Variants in TLE3 observed in about 807,000 individuals in gnomAD.
TLE3 encodes the protein transducin-like enhancer protein 3.
Under a neutral mutation model 93.0 loss-of-function variants are expected in TLE3, and 14 were observed. The ratio of observed to expected loss-of-function variants is 0.15; its 90% CI spans 0.10 to 0.24. TLE3 has a LOEUF of 0.24. Among genes scored for constraint, TLE3 ranks in the 10% least tolerant of loss-of-function variants. The probability of loss-of-function intolerance (pLI) is 1.00; values close to 1 mark genes in which losing one functional copy is unlikely to be tolerated. For synonymous variants in TLE3, 451 were observed against 425.0 expected, an observed-to-expected ratio of 1.06 and a Z score of -0.75; for missense variants, 693 against 1,046.6, an observed-to-expected ratio of 0.66 and a Z score of 4.66.
chr15:70,056,008 C>T, intron 14 of TLE3: 1 of 507,570 alleles, frequency 2.0e-6, no homozygotes, highest in Admixed American at 3.3e-5. Context: ...CTCCAGGTGA[C>T]TCGGTGAGGA....
chr15:70,094,801 G>A, intron 3 of TLE3: 3 of 525,740 alleles, frequency 5.7e-6, no homozygotes, highest in Non-Finnish European at 1.0e-5. Flanking sequence ...GTAGTAAGGG[G>A]AGCTGGGCCT....
Position 70,050,051 on chromosome 15 carries a change from C to T in TLE3, c.*46G>A, listed in dbSNP as rs957874257. ...CGCCTGGGGGTCTCCCTGTCAGAGC[C>T]GAGTCGGTTTCTCCCAGAGTTTGAC... On this transcript the variant is annotated 3_prime_UTR_variant, in exon 20 of 20. Transcript: ENST00000451782. 8 of 1,550,082 alleles carry T rather than the reference C, an allele frequency of 5.2e-6. No individual in the cohort carries two copies. Among genetic ancestry groups the T allele is most frequent in the South Asian group, 1.1e-5 (1 of 89,668 alleles).
At chr15:70,080,898 T>C (rs1197831639) in intron 4 of TLE3, among the ~76,000 whole-genome samples, 2 of 152,186 alleles carry the variant, frequency 1.3e-5, no homozygotes, top group Non-Finnish European at 2.9e-5. Flanking sequence ...CTTGCCCTTA[T>C]TTTTAATTTA....
At chr15:70,063,806 G>C (rs955051112) in intron 8 of TLE3, among the ~76,000 whole-genome samples, 3 of 152,230 alleles carry the variant, frequency 2.0e-5, no homozygotes, top group African/African-American at 7.2e-5. Context: ...TGGCAGACAC[G>C]CAGGCGGCCT....
At chr15:70,081,281 G>A (rs1595976357) in intron 4 of TLE3, among the ~76,000 whole-genome samples, 1 of 152,172 alleles carries the variant, frequency 6.6e-6, no homozygotes, top group African/African-American at 2.4e-5. Flanking sequence ...CCGAATTGGC[G>A]TGCAGCTTAT....
chr15:70,062,105 A>G (rs2056516540), intron 8 of TLE3, among the ~76,000 whole-genome samples: 1 of 152,136 alleles, frequency 6.6e-6, no homozygotes, highest in East Asian at 1.9e-4. Flanking sequence ...GGGCAGCCCT[A>G]CCCGGCCAAG....
chr15:70,084,268 G>A (rs1365487151), intron 4 of TLE3, among the ~76,000 whole-genome samples: 2 of 152,218 alleles, frequency 1.3e-5, no homozygotes, highest in Non-Finnish European at 2.9e-5. Context: ...TCCCCCAAGG[G>A]ATTCTGGCAA....
chr15:70,052,511 C>G lies in TLE3; in HGVS notation c.1988G>C (p.Gly663Ala). 2 of 1,613,372 alleles carry G rather than the reference C, an allele frequency of 1.2e-6. No individual in the cohort carries two copies. The highest frequency in any genetic ancestry group is 1.7e-6 in the Non-Finnish European group (2 of 1,179,796). ...CAGCCACTCCCCAGTGGGGCAGTAG[C>G]CCAGCGAGAAGATCTGCAGGTGGTG... is the stretch of plus-strand genomic sequence containing the variant. ...HDFTSQIFSL[G>A]YCPTGEWLAV... The change falls in exon 18 of 20, where the codon GGC becomes GCC. Residue 663 changes from glycine (G) to alanine (A), a missense_variant. Gly to Ala is a moderately conservative substitution (Grantham distance 60, BLOSUM62 0). Coordinates refer to ENST00000451782, the MANE Select transcript of TLE3 (RefSeq NM_001105192.3).
At chr15:70,096,327 G>C (rs755664810) in intron 1 of TLE3, 66 bp from the exon 2 acceptor site, 1 of 1,534,704 alleles carries the variant, frequency 6.5e-7, no homozygotes. Context: ...GAGCGGCCCC[G>C]GCCCCTCCCC....
Position 70,097,760 on chromosome 15 carries a change from C to T in TLE3, c.-962G>A. Reference sequence around the variant, plus strand: ...CTCTCCTCTCCGCGCCCCGGCAAACCCCCAAAACACACACACCCAACACAC... The same window carrying T: ...CTCTCCTCTCCGCGCCCCGGCAAACTCCCAAAACACACACACCCAACACAC... On this transcript the variant is annotated 5_prime_UTR_variant, in exon 1 of 20. Coordinates refer to ENST00000451782, the MANE Select transcript of TLE3 (RefSeq NM_001105192.3). 2.5e-6 allele frequency: 1 copy of T among 394,974 alleles called. No individual in the cohort carries two copies. Among genetic ancestry groups the T allele is most frequent in the Non-Finnish European group, 4.5e-6 (1 of 224,176 alleles). 24.5% of individuals were successfully genotyped at this position (394,974 alleles called of 1,614,324 possible). A position where few individuals can be genotyped will look rare whatever the true frequency, so the allele number is the denominator to read the frequency against.
chr15:70,082,800 A>C (rs890972312), intron 4 of TLE3, among the ~76,000 whole-genome samples: 2 of 152,186 alleles, frequency 1.3e-5, no homozygotes, highest in African/African-American at 4.8e-5. Flanking sequence ...TGAGGATGAC[A>C]GTGAGGAGCC....
rs770951788 is a variant in TLE3, at chr15:70,056,351, C to CG, written c.1274dup (p.Met426AspfsTer27). The CG allele has an allele frequency of 1.2e-6, 2 of 1,613,482 alleles. No individual in the cohort carries two copies. On this transcript the variant is annotated frameshift_variant, in exon 14 of 20. Coordinates refer to ENST00000451782, the MANE Select transcript of TLE3 (RefSeq NM_001105192.3). LOFTEE classifies it high-confidence loss of function. ...TTGAGGGGAGGCCTGTGGCCCGCAT[C>CG]GGGGGGTGAGGGTCAAAACCAACCT...
intron 8 of TLE3, among the ~76,000 whole-genome samples, chr15:70,063,828 T>A (rs1249062636): frequency 1.3e-5 from 2 of 152,176 alleles, no homozygotes; most frequent in African/African-American, 4.8e-5. Flanking sequence ...GCCTTAATGC[T>A]CGCCTGCTAG....
At chr15:70,095,739 G>T in intron 2 of TLE3, 98 bp from the exon 3 acceptor site, 1 of 1,429,782 alleles carries the variant, frequency 7.0e-7, no homozygotes, top group South Asian at 1.4e-5. Flanking sequence ...CCACTTTCCT[G>T]ACACCCCCCC....
chr15:70,060,815 G>T, intron 8 of TLE3, 166 bp from the exon 9 acceptor site: 1 of 1,212,920 alleles, frequency 8.2e-7, no homozygotes, highest in Non-Finnish European at 1.2e-6. Context: ...TGCCAGGGAA[G>T]CCTTCCCCAC....
intron 4 of TLE3, among the ~76,000 whole-genome samples, chr15:70,085,467 G>A (rs2057999174): frequency 6.6e-6 from 1 of 152,176 alleles, no homozygotes; most frequent in South Asian, 2.1e-4. Context: ...CAACATCCTG[G>A]GAGTTTAAAA....
intron 2 of TLE3, 115 bp from the exon 3 acceptor site, chr15:70,095,756 G>T (rs1440298154): frequency 1.9e-5 from 25 of 1,305,764 alleles, no homozygotes; most frequent in Non-Finnish European, 2.5e-5. Context: ...CCCCGGGGGC[G>T]CCCCCATTAT....
intron 17 of TLE3, 79 bp downstream of exon 17, chr15:70,053,148 G>C: frequency 1.3e-6 from 2 of 1,515,714 alleles, no homozygotes; most frequent in Admixed American, 4.0e-5. Context: ...GGGTCCCTTT[G>C]TCCCTGACCC....
At chr15:70,054,269 T>C (rs2055821997) in intron 16 of TLE3, 169 bp downstream of exon 16, 1 of 955,516 alleles carries the variant, frequency 1.0e-6, no homozygotes, top group Non-Finnish European at 1.5e-6. Flanking sequence ...CCTCTGTCCC[T>C]CGCATAAGGC....
Sources: gnomAD v4.1 joint callset for allele counts (sites outside exome capture counted in the v4.1 genomes callset) on GRCh38, gnomAD v4.1.1 for gene constraint, MANE v1.5 for transcripts, NCBI Gene and HGNC (gene_info 2026-07-23, HGNC 2026-07-21) for gene names.